LDLRAD3: variants seen among roughly 807,000 people sequenced by gnomAD.
LDLRAD3 encodes low-density lipoprotein receptor class A domain-containing protein 3.
A neutral mutation model predicts 29.4 loss-of-function variants in LDLRAD3; 20 were observed. The ratio of observed to expected loss-of-function variants is 0.68; its 90% CI spans 0.48 to 0.99. The LOEUF is 0.99. LDLRAD3 is among the 50% of genes least tolerant of loss of function. The probability of loss-of-function intolerance (pLI) is 0.00; values close to 1 mark genes in which losing one functional copy is unlikely to be tolerated. For synonymous variants in LDLRAD3, 157 were observed against 192.7 expected (o/e 0.81, Z 1.53); for missense variants, 420 against 454.3 (o/e 0.92, Z 0.69).
chr11:36,102,381 A>T (rs557684147), intron 4 of LDLRAD3, among the ~76,000 whole-genome samples: 1 of 152,286 alleles, frequency 6.6e-6, no homozygotes, highest in South Asian at 2.1e-4. Context: ...GGGTAGAGCA[A>T]ACTGGCTGGC....
chr11:36,042,103 C>T (rs1365656328), intron 2 of LDLRAD3, among the ~76,000 whole-genome samples: 1 of 151,926 alleles, frequency 6.6e-6, no homozygotes, highest in East Asian at 1.9e-4. Context: ...AAATGATCAC[C>T]ACGAAATATA....
At chr11:36,089,700 A>G (rs186774861) in intron 3 of LDLRAD3, among the ~76,000 whole-genome samples, 71 of 152,160 alleles carry the variant, frequency 4.7e-4, no homozygotes, top group Non-Finnish European at 7.4e-4. Context: ...CCTGGGTTCA[A>G]TTGATACTCC....
intron 4 of LDLRAD3, among the ~76,000 whole-genome samples, chr11:36,142,144 C>T (rs968656061): frequency 6.6e-6 from 1 of 152,106 alleles, no homozygotes; most frequent in African/African-American, 2.4e-5. Context: ...CAGATGGTGC[C>T]CATCCTTAGC....
At chr11:36,018,809 C>T (rs1224449513) in intron 1 of LDLRAD3, among the ~76,000 whole-genome samples, 1 of 152,152 alleles carries the variant, frequency 6.6e-6, no homozygotes, top group Non-Finnish European at 1.5e-5. Context: ...TGGCATTTCA[C>T]GTGCATTTGT....
chr11:36,152,852 A>G (rs1854295977), intron 4 of LDLRAD3, among the ~76,000 whole-genome samples: 1 of 152,238 alleles, frequency 6.6e-6, no homozygotes, highest in African/African-American at 2.4e-5. Flanking sequence ...GTACAAGTAT[A>G]TGCTGAGTCC....
At chr11:36,009,989 T>C (rs2133186720) in intron 1 of LDLRAD3, 1 of 154,046 alleles carries the variant, frequency 6.5e-6, no homozygotes, top group African/African-American at 2.4e-5. Context: ...TGGTCAGAAT[T>C]ATTGACAAAG....
At chr11:36,059,134 G>T (rs1057139152) in intron 2 of LDLRAD3, among the ~76,000 whole-genome samples, 6 of 152,236 alleles carry the variant, frequency 3.9e-5, no homozygotes, top group Admixed American at 6.5e-5. Context: ...GGGAGGCTAA[G>T]GTAAGAGGAC....
intron 4 of LDLRAD3, among the ~76,000 whole-genome samples, chr11:36,161,935 C>T (rs1288603844): frequency 6.6e-6 from 1 of 152,186 alleles, no homozygotes; most frequent in African/African-American, 2.4e-5. Context: ...GAGTTAACAT[C>T]TATCGAGAGT....
chr11:36,004,640 G>T (rs542401702), intron 1 of LDLRAD3, among the ~76,000 whole-genome samples: 35 of 152,316 alleles, frequency 2.3e-4, no homozygotes, highest in Admixed American at 9.1e-4. Flanking sequence ...GTGCCCCAGT[G>T]GTTACTGCGT....
intron 1 of LDLRAD3, among the ~76,000 whole-genome samples, chr11:35,992,689 G>A (rs951385520): frequency 6.6e-6 from 1 of 152,210 alleles, no homozygotes; most frequent in African/African-American, 2.4e-5. Flanking sequence ...GCCTAGGGCT[G>A]AGTGGGGGTT....
intron 1 of LDLRAD3, chr11:35,967,327 G>A (rs1366362571): frequency 4.5e-6 from 1 of 222,474 alleles, no homozygotes; most frequent in Non-Finnish European, 8.9e-6. Flanking sequence ...TGAGCAGACT[G>A]TAAAAGTCTT....
chr11:36,038,844 C>G (rs1428536650), intron 2 of LDLRAD3, among the ~76,000 whole-genome samples: 1 of 152,196 alleles, frequency 6.6e-6, no homozygotes, highest in South Asian at 2.1e-4. Flanking sequence ...ACATTAACCT[C>G]TCTCTGTAGC....
intron 2 of LDLRAD3, among the ~76,000 whole-genome samples, chr11:36,071,719 T>C (rs772122384): frequency 7.9e-5 from 12 of 152,190 alleles, no homozygotes; most frequent in Non-Finnish European, 1.3e-4. Context: ...GCCTGGCACT[T>C]CTCTGGGCAT....
intron 3 of LDLRAD3, among the ~76,000 whole-genome samples, chr11:36,084,649 G>T (rs1261648323): frequency 6.6e-6 from 1 of 152,136 alleles, no homozygotes; most frequent in African/African-American, 2.4e-5. Context: ...GCTAATAGAA[G>T]AATAAAGAAA....
intron 4 of LDLRAD3, among the ~76,000 whole-genome samples, chr11:36,156,672 C>T (rs1248244525): frequency 6.6e-6 from 1 of 152,218 alleles, no homozygotes; most frequent in Non-Finnish European, 1.5e-5. Context: ...GCAACAATAA[C>T]TTCTTCATCA....
chr11:36,070,531 T>G (rs1590241728), intron 2 of LDLRAD3, among the ~76,000 whole-genome samples: 1 of 152,056 alleles, frequency 6.6e-6, no homozygotes, highest in Non-Finnish European at 1.5e-5. Flanking sequence ...ATGGCCAGAG[T>G]AGGTCCCTCA....
At chr11:36,025,083 T>TC (rs2133200930) in intron 1 of LDLRAD3, among the ~76,000 whole-genome samples, 1 of 152,332 alleles carries the variant, frequency 6.6e-6, no homozygotes, top group South Asian at 2.1e-4. Flanking sequence ...AGATGGAATC[T>TC]CCCAGAAGAA....
rs558152337 is a variant in LDLRAD3, at chr11:36,146,306, G to A, written c.454+47845G>A. Among the ~76,000 whole-genome samples, 29 of 152,342 alleles carry A rather than the reference G, an allele frequency of 1.9e-4. No homozygotes were observed. The South Asian group carries it at 4.1e-3, about 22-fold the overall frequency. ...ACATGGCAGCAAGGCTTTGCTTTTA[G>A]ATAATCCATCAGTGATAAGAGATGG... is the stretch of plus-strand genomic sequence containing the variant. On this transcript the variant is annotated intron_variant, in intron 4 of 5. Coordinates refer to ENST00000315571, the MANE Select transcript of LDLRAD3 (RefSeq NM_174902.4).
chr11:36,120,710 G>A (rs1034024001), intron 4 of LDLRAD3, among the ~76,000 whole-genome samples: 5 of 152,174 alleles, frequency 3.3e-5, no homozygotes, highest in African/African-American at 1.2e-4. Flanking sequence ...CCAGAAGTGA[G>A]ACTAAACTGC....
Sources: gnomAD v4.1 joint callset for allele counts (sites outside exome capture counted in the v4.1 genomes callset) on GRCh38, gnomAD v4.1.1 for gene constraint, MANE v1.5 for transcripts, NCBI Gene and HGNC (gene_info 2026-07-23, HGNC 2026-07-21) for gene names.